ANAPC1: variants seen among roughly 807,000 people sequenced by gnomAD.
ANAPC1 encodes anaphase promoting complex subunit 1.
A neutral mutation model predicts 208.0 loss-of-function variants in ANAPC1; 36 were observed. That is an observed-to-expected ratio of 0.17 (90% confidence interval 0.13 to 0.23). The LOEUF is 0.23. Ranked by LOEUF, ANAPC1 falls within the 10% of genes least tolerant of loss-of-function variation. The probability of loss-of-function intolerance (pLI) is 1.00; values close to 1 mark genes in which losing one functional copy is unlikely to be tolerated. For synonymous variants in ANAPC1, 378 were observed against 695.2 expected (o/e 0.54, Z 7.18); for missense variants, 942 against 2,011.6 (o/e 0.47, Z 10.17).
intron 2 of ANAPC1, 113 bp downstream of exon 2, chr2:111,880,500 C>G (rs1341736443): frequency 1.4e-6 from 2 of 1,460,112 alleles, no homozygotes; most frequent in Non-Finnish European, 1.8e-6. Flanking sequence ...CACCTTAACT[C>G]TACTCTAGAA....
rs189060955 is a variant in ANAPC1, at chr2:111,881,537, C to T, written c.-24-688G>A. On this transcript the variant is annotated intron_variant, in intron 1 of 47. Coordinates refer to ENST00000341068, the MANE Select transcript of ANAPC1 (RefSeq NM_022662.4). ...GGTACTAGGTTTTAATTAATTATTA[C>T]ATCTAATTAATCTAATTATTAATCT... Among the ~76,000 whole-genome samples the T allele has an allele frequency of 8.6e-3, 1,302 of 152,226 alleles. 12 individuals are homozygous for T. Among genetic ancestry groups the T allele is most frequent in the South Asian group, 0.041 (195 of 4,812 alleles).
intron 21 of ANAPC1, among the ~76,000 whole-genome samples, chr2:111,830,946 C>T (rs1030341988): frequency 6.6e-6 from 1 of 152,224 alleles, no homozygotes; most frequent in African/African-American, 2.4e-5. Context: ...AGCATGAATG[C>T]TGACAGCATC....
intron 47 of ANAPC1, among the ~76,000 whole-genome samples, chr2:111,771,393 C>T (rs1209516554): frequency 1.3e-5 from 2 of 152,156 alleles, no homozygotes; most frequent in Non-Finnish European, 2.9e-5. Context: ...TTCTATTGTT[C>T]TCTCCTGCCT....
chr2:111,815,146 GAA>G (rs1223576868), intron 28 of ANAPC1, among the ~76,000 whole-genome samples: 6 of 68,514 alleles, frequency 8.8e-5, no homozygotes, highest in Admixed American at 1.7e-4. Context: ...CTTACTCAAG[GAA>G]AAAAAAAAAA....
At chr2:111,792,083 C>G in intron 38 of ANAPC1, among the ~76,000 whole-genome samples, 1 of 151,976 alleles carries the variant, frequency 6.6e-6, no homozygotes, top group Non-Finnish European at 1.5e-5. Flanking sequence ...AATTTTTAAC[C>G]AGGTGGGCAC....
intron 46 of ANAPC1, among the ~76,000 whole-genome samples, chr2:111,775,397 T>C (rs1294525846): frequency 6.6e-6 from 1 of 152,244 alleles, no homozygotes; most frequent in Non-Finnish European, 1.5e-5. Context: ...CACATATGCA[T>C]CTGTGATTTT....
At chr2:111,793,454 G>T (rs1264988756) in intron 37 of ANAPC1, among the ~76,000 whole-genome samples, 1 of 151,918 alleles carries the variant, frequency 6.6e-6, no homozygotes, top group East Asian at 1.9e-4. Flanking sequence ...CAACCTCCTG[G>T]GCTCAAATGA....
intron 19 of ANAPC1, among the ~76,000 whole-genome samples, chr2:111,833,606 T>C (rs1274704935): frequency 6.9e-6 from 1 of 144,092 alleles, no homozygotes; most frequent in Non-Finnish European, 1.5e-5. Flanking sequence ...TAAACCTCAG[T>C]ATTTTCTTCT....
intron 7 of ANAPC1, 58 bp downstream of exon 7, chr2:111,867,965 C>T: frequency 8.6e-7 from 1 of 1,163,886 alleles, no homozygotes; most frequent in Non-Finnish European, 1.2e-6. Flanking sequence ...TTTATAACCT[C>T]CCTCACCAAA....
Position 111,880,869 on chromosome 2 carries a change from T to C in ANAPC1, c.-24-20A>G. The C allele has an allele frequency of 1.3e-6, 2 of 1,594,526 alleles. No individual in the cohort carries two copies. Among genetic ancestry groups the C allele is most frequent in the Non-Finnish European group, 1.7e-6 (2 of 1,164,724 alleles). ...TTATTTCTGTATGAATTCAAACACA[T>C]TCTGGTCAGCTTCCAGACTCAAAAC... On this transcript the variant is annotated intron_variant, in intron 1 of 47. Coordinates refer to ENST00000341068, the MANE Select transcript of ANAPC1 (RefSeq NM_022662.4).
Position 111,779,498 on chromosome 2 carries a change from G to A in ANAPC1, c.5290-728C>T, listed in dbSNP as rs1045444628. On this transcript the variant is annotated intron_variant, in intron 44 of 47. Coordinates refer to ENST00000341068, the MANE Select transcript of ANAPC1 (RefSeq NM_022662.4). ...TGGAGAGGTTGAGAAATTTTCTGAAGGCCATATATGCATCCAATCTTTCCT... is the reference window on the plus strand; with the variant it reads ...TGGAGAGGTTGAGAAATTTTCTGAAAGCCATATATGCATCCAATCTTTCCT... 120 of 151,430 alleles carry A rather than the reference G, an allele frequency of 7.9e-4. 1 individual carries two copies. The highest frequency in any genetic ancestry group is 2.8e-3 in the African/African-American group (117 of 41,268). 9.4% of individuals were successfully genotyped at this position (151,430 alleles called of 1,614,324 possible). A position where few individuals can be genotyped will look rare whatever the true frequency, so the allele number is the denominator to read the frequency against.
At position 111,859,569 on chromosome 2, in the gene ANAPC1, TAAAGA is replaced by T. The variant is rs777379218; in HGVS notation, c.1263-1173_1263-1169del. Reference sequence around the variant, plus strand: ...ATATTCAACTTACAAATAAGTTATTTAAAGAAAAATGATTTATAATTGTAGGATAC... The same window carrying T: ...ATATTCAACTTACAAATAAGTTATTTAAAATGATTTATAATTGTAGGATAC... On this transcript the variant is annotated intron_variant, in intron 10 of 47. Coordinates refer to ENST00000341068, the MANE Select transcript of ANAPC1 (RefSeq NM_022662.4). Among the ~76,000 whole-genome samples, 4 of 152,190 alleles carry T rather than the reference TAAAGA, an allele frequency of 2.6e-5. No individual in the cohort carries two copies. The East Asian group carries it at 7.7e-4, about 29-fold the overall frequency.
At chr2:111,882,279 G>A (rs1417483797) in intron 1 of ANAPC1, among the ~76,000 whole-genome samples, 3 of 151,954 alleles carry the variant, frequency 2.0e-5, no homozygotes, top group African/African-American at 4.8e-5. Context: ...CGGTGGCCCT[G>A]CAAGTAAAAC....
chr2:111,773,117 G>C (rs1366184238), intron 46 of ANAPC1, among the ~76,000 whole-genome samples: 7 of 152,288 alleles, frequency 4.6e-5, no homozygotes, highest in Non-Finnish European at 8.8e-5. Flanking sequence ...GGCAGACCCA[G>C]GCCATTTTTT....
chr2:111,859,703 T>C (rs6731413), intron 10 of ANAPC1, among the ~76,000 whole-genome samples: 88,343 of 151,980 alleles, frequency 0.58, 26,624 homozygotes, highest in South Asian at 0.69. Flanking sequence ...TCTAAGATTA[T>C]GCATTTGCCT....
At chr2:111,774,991 G>A (rs1225997542) in intron 46 of ANAPC1, among the ~76,000 whole-genome samples, 1 of 152,118 alleles carries the variant, frequency 6.6e-6, no homozygotes, top group Non-Finnish European at 1.5e-5. Flanking sequence ...ATATAGGCCA[G>A]GCGCCATGGC....
In ANAPC1 at chr2:111,867,582, C is replaced by T. The variant is rs547734441; in HGVS notation, c.685+441G>A. Among the ~76,000 whole-genome samples the T allele has an allele frequency of 1.3e-4, 19 of 151,802 alleles. No individual in the cohort carries two copies. The South Asian group carries it at 1.5e-3, about 12-fold the overall frequency. ...TGGCGTGTGCCTGTAATCCCAGCTA[C>T]TCGGGAGGCTGAGGCAGGATAATCA... On this transcript the variant is annotated intron_variant, in intron 7 of 47. Transcript: ENST00000341068.
intron 39 of ANAPC1, 137 bp from the exon 40 acceptor site, chr2:111,785,614 A>G (rs1173390526): frequency 2.1e-6 from 1 of 469,870 alleles, no homozygotes; most frequent in South Asian, 3.5e-5. Context: ...TTAAAGGCAG[A>G]TAAGATTCTA....
At chr2:111,870,963 A>T (rs1166977705) in intron 6 of ANAPC1, among the ~76,000 whole-genome samples, 2 of 152,026 alleles carry the variant, frequency 1.3e-5, no homozygotes, top group Non-Finnish European at 2.9e-5. Flanking sequence ...CCCCCAATTT[A>T]TGTTTTTGTA....
Sources: gnomAD v4.1 joint callset for allele counts (sites outside exome capture counted in the v4.1 genomes callset) on GRCh38, gnomAD v4.1.1 for gene constraint, MANE v1.5 for transcripts, NCBI Gene and HGNC (gene_info 2026-07-23, HGNC 2026-07-21) for gene names.